The following PRDM5 variants were observed in gnomAD, a reference collection of about 807,000 sequenced individuals.
The protein encoded by PRDM5 is PR/SET domain 5.
A neutral mutation model predicts 81.2 loss-of-function variants in PRDM5; 56 were observed. The observed-to-expected ratio is 0.69, with a 90% CI of 0.56 to 0.86. The LOEUF is 0.86. Among genes scored for constraint, PRDM5 ranks in the 40% least tolerant of loss-of-function variants. PRDM5 has a pLI of 0.00. For synonymous variants in PRDM5, 267 were observed against 256.4 expected (o/e 1.04, Z -0.39); for missense variants, 697 against 770.1 (o/e 0.91, Z 1.12).
intron 14 of PRDM5, among the ~76,000 whole-genome samples, chr4:120,717,974 G>A (rs1460440776): frequency 2.0e-5 from 3 of 152,114 alleles, no homozygotes; most frequent in Non-Finnish European, 4.4e-5. Context: ...ATTGAGAAAG[G>A]GAAACTTGTA....
intron 3 of PRDM5, chr4:120,838,137 A>G (rs1348993927): frequency 6.6e-6 from 1 of 152,152 alleles, no homozygotes; most frequent in Non-Finnish European, 1.5e-5. Context: ...AGGAAAGCCC[A>G]TACTCCAGTT....
chr4:120,729,378 A>T (rs759289574), intron 14 of PRDM5, among the ~76,000 whole-genome samples: 1 of 151,700 alleles, frequency 6.6e-6, no homozygotes, highest in South Asian at 2.1e-4. Context: ...GAAATACTGA[A>T]ATCAAGCATT....
rs1409675242 is a variant in PRDM5, at chr4:120,721,426, T to C, written c.1624-11013A>G. 2.0e-5 allele frequency among the ~76,000 whole-genome samples: 3 copies of C among 152,156 alleles called. No homozygotes were observed. The South Asian group carries it at 6.2e-4, about 32-fold the overall frequency. ...GGTGCCTCTAATGCGCAACCAGAAG[T>C]GAGAACTTCTGATCTAGTTCACCAT... On this transcript the variant is annotated intron_variant, in intron 14 of 15. Transcript: ENST00000264808.
intron 3 of PRDM5, among the ~76,000 whole-genome samples, chr4:120,833,763 G>A (rs893541546): frequency 6.6e-6 from 1 of 152,128 alleles, no homozygotes; most frequent in Non-Finnish European, 1.5e-5. Context: ...CCAGTTTCAG[G>A]CATTCACGGG....
chr4:120,691,879 T>C (rs575493451), downstream of PRDM5: 1 of 152,118 alleles, frequency 6.6e-6, no homozygotes, highest in African/African-American at 2.4e-5. Flanking sequence ...AATGGTACCA[T>C]AGTTCTATAG....
chr4:120,753,984 T>C (rs931602802), intron 14 of PRDM5, among the ~76,000 whole-genome samples: 5 of 152,146 alleles, frequency 3.3e-5, no homozygotes, highest in Non-Finnish European at 5.9e-5. Context: ...AAGGCATAGA[T>C]AACAGAATGA....
intron 14 of PRDM5, among the ~76,000 whole-genome samples, chr4:120,713,292 T>C (rs2149036738): frequency 6.6e-6 from 1 of 152,304 alleles, no homozygotes; most frequent in East Asian, 1.9e-4. Flanking sequence ...GCTATACTCA[T>C]CTTTTTGCTT....
At chr4:120,791,804 T>C (rs534750040) in intron 10 of PRDM5, among the ~76,000 whole-genome samples, 2 of 152,330 alleles carry the variant, frequency 1.3e-5, no homozygotes, top group South Asian at 4.1e-4. Flanking sequence ...TAGGAAGTAA[T>C]TAGGTTCTAA....
rs1274134803 is a variant in PRDM5 at position 120,692,746 on chromosome 4, C to T, written c.*2365G>A. 6.6e-6 allele frequency: 1 copy of T among 152,044 alleles called. No individual in the cohort carries two copies. Among genetic ancestry groups the T allele is most frequent in the South Asian group, 2.1e-4 (1 of 4,822 alleles). The allele number at this position is 152,044 out of a possible 1,614,324, so 9.4% of individuals were successfully genotyped here. ...AGAAAATACCCCAGCCAAAATCTTT[C>T]ACAGCAGGAAACAGAAGACATTTCA... On this transcript the variant is annotated 3_prime_UTR_variant, in exon 16 of 16. Coordinates refer to ENST00000264808, the MANE Select transcript of PRDM5 (RefSeq NM_018699.4).
chr4:120,814,561 T>C (rs1439870519), intron 7 of PRDM5, among the ~76,000 whole-genome samples: 1 of 152,174 alleles, frequency 6.6e-6, no homozygotes, highest in Admixed American at 6.5e-5. Context: ...TATTGAAAAA[T>C]TCAGCTTCTC....
At chr4:120,892,650 CG>C (rs1366365757) in intron 2 of PRDM5, among the ~76,000 whole-genome samples, 6 of 152,138 alleles carry the variant, frequency 3.9e-5, no homozygotes, top group African/African-American at 1.4e-4. Flanking sequence ...ACCACTGGGC[CG>C]GAAGTTCTAA....
intron 14 of PRDM5, among the ~76,000 whole-genome samples, chr4:120,735,916 T>C (rs1561023653): frequency 6.6e-6 from 1 of 152,174 alleles, no homozygotes; most frequent in Non-Finnish European, 1.5e-5. Flanking sequence ...TGTGTAGTAA[T>C]TAAGTCAGGG....
At chr4:120,716,911 A>C (rs914856036) in intron 14 of PRDM5, among the ~76,000 whole-genome samples, 10 of 152,092 alleles carry the variant, frequency 6.6e-5, no homozygotes, top group Non-Finnish European at 1.2e-4. Flanking sequence ...ACCCTCCCTT[A>C]CTAATTTCTT....
At chr4:120,710,230 C>G (rs965756893) in intron 15 of PRDM5, 79 bp downstream of exon 15, 2 of 1,197,186 alleles carry the variant, frequency 1.7e-6, no homozygotes, top group African/African-American at 3.0e-5. Context: ...GACACACACA[C>G]ACACACACAT....
At chr4:120,876,115 T>G (rs1435891281) in intron 2 of PRDM5, among the ~76,000 whole-genome samples, 1 of 152,168 alleles carries the variant, frequency 6.6e-6, no homozygotes. Flanking sequence ...GAAATACAAA[T>G]GAGCCACAGA....
chr4:120,891,980 T>C (rs749863681), intron 2 of PRDM5, among the ~76,000 whole-genome samples: 1 of 152,224 alleles, frequency 6.6e-6, no homozygotes, highest in Non-Finnish European at 1.5e-5. Flanking sequence ...CTGCTTTAGC[T>C]GTATCGCCAA....
At chr4:120,874,098 T>C (rs1202959829) in intron 2 of PRDM5, among the ~76,000 whole-genome samples, 1 of 152,184 alleles carries the variant, frequency 6.6e-6, no homozygotes, top group Admixed American at 6.5e-5. Context: ...ATCTGATATT[T>C]GTGTTTAGAA....
chr4:120,705,005 T>G (rs575155057), intron 15 of PRDM5, among the ~76,000 whole-genome samples: 1 of 152,272 alleles, frequency 6.6e-6, no homozygotes, highest in South Asian at 2.1e-4. Context: ...TGGTAATCAT[T>G]TCAAGAAAGT....
At chr4:120,847,746 T>G (rs1332817043) in intron 3 of PRDM5, among the ~76,000 whole-genome samples, 2 of 152,218 alleles carry the variant, frequency 1.3e-5, no homozygotes, top group Admixed American at 6.5e-5. Context: ...AAAGTCATTC[T>G]GCAAATAACT....
Sources: gnomAD v4.1 joint callset for allele counts (sites outside exome capture counted in the v4.1 genomes callset) on GRCh38, gnomAD v4.1.1 for gene constraint, MANE v1.5 for transcripts, NCBI Gene and HGNC (gene_info 2026-07-23, HGNC 2026-07-21) for gene names.